SYNPR: variants seen among roughly 807,000 people sequenced by gnomAD.
SYNPR encodes the protein synaptoporin.
SYNPR carries 23 observed loss-of-function variants against 32.9 expected under a neutral mutation model. That is an observed-to-expected ratio of 0.70 (90% confidence interval 0.50 to 0.99). The LOEUF (loss-of-function observed/expected upper bound fraction) is 0.99, where lower values mean the gene tolerates loss of function less well. Ranked by LOEUF, SYNPR falls within the 50% of genes least tolerant of loss-of-function variation. The pLI, the probability that SYNPR is intolerant of heterozygous loss-of-function variation, is 0.00. For synonymous variants in SYNPR, 146 were observed against 135.9 expected, an observed-to-expected ratio of 1.07 and a Z score of -0.52; for missense variants, 318 against 349.3, an observed-to-expected ratio of 0.91 and a Z score of 0.71.
intron 3 of SYNPR, among the ~76,000 whole-genome samples, chr3:63,270,966 C>CTT (rs199583495): frequency 3.9e-4 from 7 of 18,174 alleles, no homozygotes; most frequent in Non-Finnish European, 1.2e-3. Flanking sequence ...TCCTTCCTTC[C>CTT]TTCTTTTCTT....
At chr3:63,532,233 G>A (rs73831884) in intron 3 of SYNPR, among the ~76,000 whole-genome samples, 17,784 of 152,150 alleles carry the variant, frequency 0.12, 1,194 homozygotes, top group Middle Eastern at 0.22. Context: ...TCTTTCAATC[G>A]TATGTTCCCT....
chr3:63,384,778 GAGTT>G (rs2088019595), intron 2 of SYNPR, among the ~76,000 whole-genome samples: 2 of 152,162 alleles, frequency 1.3e-5, no homozygotes, highest in African/African-American at 4.8e-5. Flanking sequence ...GCAATCCTAT[GAGTT>G]AGTTGTTTTT....
chr3:63,292,299 G>T (rs1168447068), intron 2 of SYNPR, among the ~76,000 whole-genome samples: 2 of 152,140 alleles, frequency 1.3e-5, no homozygotes, highest in African/African-American at 4.8e-5. Context: ...AGCATGTAAT[G>T]CTCAGATCAT....
intron 2 of SYNPR, among the ~76,000 whole-genome samples, chr3:63,375,881 T>G (rs992520905): frequency 1.3e-5 from 2 of 152,082 alleles, no homozygotes; most frequent in Non-Finnish European, 2.9e-5. Context: ...TCCACTTGAG[T>G]GTCTAAAGTC....
intron 4 of SYNPR, among the ~76,000 whole-genome samples, chr3:63,573,668 C>G (rs921551873): frequency 9.2e-5 from 14 of 152,214 alleles, no homozygotes; most frequent in Non-Finnish European, 2.1e-4. Context: ...CATTATTTCT[C>G]AGGATGTCCA....
intron 2 of SYNPR, among the ~76,000 whole-genome samples, chr3:63,411,528 T>TA (rs2088465126): frequency 6.6e-6 from 1 of 152,128 alleles, no homozygotes; most frequent in South Asian, 2.1e-4. Context: ...AAGAAAGTTA[T>TA]ATACACATAA....
At position 63,509,678 on chromosome 3, in the gene SYNPR, CTAAT is replaced by C. The variant is rs1464318640; in HGVS notation, c.209+28726_209+28729del. ...TCAGAAATGCTAATAAAAACTAATA[CTAAT>C]TAAGTTCCAACTAAATTGATAGTCC... On this transcript the variant is annotated intron_variant, in intron 3 of 5. Transcript: ENST00000478300. Among the ~76,000 whole-genome samples the C allele has an allele frequency of 3.9e-5, 6 of 152,116 alleles. No homozygotes were observed. The South Asian group carries it at 1.2e-3, about 32-fold the overall frequency.
chr3:63,601,063 G>A lies in SYNPR; in HGVS notation c.409-8062G>A, dbSNP rs182633860. Among the ~76,000 whole-genome samples, 706 of 152,088 alleles carry A rather than the reference G, an allele frequency of 4.6e-3. 4 individuals carry two copies. Among genetic ancestry groups the A allele is most frequent in the African/African-American group, 0.016 (679 of 41,516 alleles). On this transcript the variant is annotated intron_variant, in intron 4 of 5. Coordinates refer to ENST00000478300, the MANE Select transcript of SYNPR (RefSeq NM_001130003.2). ...CGAGGTGGGCAGATCACCTGAGGTC[G>A]GGAGTTTGAGACCAGCCTGACCCAC...
chr3:63,221,756 A>T, the SYNPR span, among the ~76,000 whole-genome samples: 1 of 152,146 alleles, frequency 6.6e-6, no homozygotes, highest in Non-Finnish European at 1.5e-5. Flanking sequence ...TCCTGGTATT[A>T]ACACTGTCTA....
At chr3:63,311,442 G>A (rs2086963186) in intron 2 of SYNPR, among the ~76,000 whole-genome samples, 1 of 151,978 alleles carries the variant, frequency 6.6e-6, no homozygotes, top group Non-Finnish European at 1.5e-5. Flanking sequence ...TACCACTTGA[G>A]CTCTGCCTCC....
chr3:63,419,067 C>T (rs9829530), intron 2 of SYNPR, among the ~76,000 whole-genome samples: 53,494 of 152,046 alleles, frequency 0.35, 11,807 homozygotes, highest in African/African-American at 0.63. Flanking sequence ...TCAAACAGAA[C>T]GGTATCTTAA....
intron 2 of SYNPR, among the ~76,000 whole-genome samples, chr3:63,332,684 C>T (rs1290696186): frequency 6.6e-6 from 1 of 152,160 alleles, no homozygotes; most frequent in South Asian, 2.1e-4. Flanking sequence ...AATATAGGTT[C>T]CATCATCCCT....
chr3:63,388,099 G>A (rs984677844), intron 2 of SYNPR, among the ~76,000 whole-genome samples: 2 of 152,206 alleles, frequency 1.3e-5, no homozygotes, highest in South Asian at 2.1e-4. Flanking sequence ...GGGGCGAGGG[G>A]CCTGAACTTG....
At chr3:63,585,456 C>CAA (rs1553649474) in intron 4 of SYNPR, among the ~76,000 whole-genome samples, 1,498 of 104,726 alleles carry the variant, frequency 0.014, 12 homozygotes, top group Non-Finnish European at 0.018. Flanking sequence ...CATGCCCCCC[C>CAA]CCTCCGCCCC....
chr3:63,356,659 A>C (rs759298424), intron 2 of SYNPR, among the ~76,000 whole-genome samples: 5 of 152,168 alleles, frequency 3.3e-5, no homozygotes, highest in Non-Finnish European at 7.3e-5. Context: ...TTTTCCTATG[A>C]AACTAAGAAA....
At chr3:63,208,816 G>T in the SYNPR span, among the ~76,000 whole-genome samples, 1 of 152,082 alleles carries the variant, frequency 6.6e-6, no homozygotes, top group African/African-American at 2.4e-5. Flanking sequence ...TGGCATAGCC[G>T]GTTAGTAAGA....
chr3:63,507,153 TAA>T (rs1361855751), intron 3 of SYNPR, among the ~76,000 whole-genome samples: 1 of 116,806 alleles, frequency 8.6e-6, no homozygotes. Context: ...TCTCAAAAAA[TAA>T]AAAAAAAAAA....
chr3:63,425,013 T>C (rs912660244), intron 2 of SYNPR, among the ~76,000 whole-genome samples: 5 of 152,214 alleles, frequency 3.3e-5, no homozygotes, highest in Non-Finnish European at 7.3e-5. Flanking sequence ...ATTAGATCCA[T>C]CCTGTTAGCA....
chr3:63,321,402 A>C (rs2087109650), intron 2 of SYNPR, among the ~76,000 whole-genome samples: 1 of 152,080 alleles, frequency 6.6e-6, no homozygotes, highest in South Asian at 2.1e-4. Context: ...GTGAGGGTCA[A>C]ATATTCCCAT....
Sources: gnomAD v4.1 joint callset for allele counts (sites outside exome capture counted in the v4.1 genomes callset) on GRCh38, gnomAD v4.1.1 for gene constraint, MANE v1.5 for transcripts, NCBI Gene and HGNC (gene_info 2026-07-23, HGNC 2026-07-21) for gene names.